DNAJB6: variants seen among roughly 807,000 people sequenced by gnomAD.
DNAJB6 encodes DnaJ heat shock protein family (Hsp40) member B6, also known as dnaJ homolog subfamily B member 6.
In DNAJB6, 16 loss-of-function variants were observed where a neutral mutation model predicts 42.7. The observed-to-expected ratio is 0.37, with a 90% confidence interval of 0.25 to 0.57. DNAJB6 has a LOEUF of 0.57. Among genes scored for constraint, DNAJB6 ranks in the 20% least tolerant of loss-of-function variants. DNAJB6 has a pLI of 0.74. For missense variants in DNAJB6, 347 were observed against 416.8 expected (o/e 0.83, Z 1.46); for synonymous variants, 170 against 163.5 (o/e 1.04, Z -0.30).
At chr7:157,413,369 C>T (rs184122111) in intron 9 of DNAJB6, 117 of 152,330 alleles carry the variant, frequency 7.7e-4, no homozygotes, top group African/African-American at 2.7e-3. Flanking sequence ...AGAATGTCTC[C>T]CTTTTTGTGA....
chr7:157,399,723 C>G (rs1311701846), intron 8 of DNAJB6, among the ~76,000 whole-genome samples: 1 of 152,130 alleles, frequency 6.6e-6, no homozygotes, highest in Non-Finnish European at 1.5e-5. Flanking sequence ...AGCTGGAGAG[C>G]AATGGCACAG....
Position 157,366,501 on chromosome 7 carries a change from G to A in DNAJB6, c.176-1G>A. 6.2e-7 allele frequency: 1 copy of A among 1,613,874 alleles called. No individual in the cohort carries two copies. The highest frequency in any genetic ancestry group is 8.5e-7 in the Non-Finnish European group (1 of 1,179,912). On this transcript the variant is annotated splice_acceptor_variant, in intron 3 of 9. Transcript: ENST00000262177. LOFTEE classifies it high-confidence loss of function. ...TTACCGACTTTTCTTTCAATTTTTA[G>A]CTAAGAAACGGGACATCTATGACAA...
At chr7:157,371,454 A>G in intron 5 of DNAJB6, among the ~76,000 whole-genome samples, 1 of 152,384 alleles carries the variant, frequency 6.6e-6, no homozygotes, top group East Asian at 1.9e-4. Context: ...AGCACCAGGC[A>G]GTGCTCACTG....
intron 5 of DNAJB6, among the ~76,000 whole-genome samples, chr7:157,373,147 C>T (rs550486860): frequency 5.0e-4 from 76 of 152,230 alleles, no homozygotes; most frequent in African/African-American, 1.7e-3. Flanking sequence ...ACTTGATAAT[C>T]TATAAAGAGC....
intron 6 of DNAJB6, among the ~76,000 whole-genome samples, chr7:157,383,389 C>T (rs990503576): frequency 2.0e-5 from 3 of 152,118 alleles, no homozygotes; most frequent in African/African-American, 7.2e-5. Context: ...AGGGTTCCTT[C>T]TTCATCATGG....
intron 8 of DNAJB6, among the ~76,000 whole-genome samples, chr7:157,392,187 C>T (rs894961519): frequency 6.6e-6 from 1 of 151,776 alleles, no homozygotes; most frequent in Non-Finnish European, 1.5e-5. Flanking sequence ...TGTGTCCTCA[C>T]GCTTGCTAGT....
chr7:157,389,357 CAGT>C (rs1801230298), intron 8 of DNAJB6, among the ~76,000 whole-genome samples: 1 of 152,194 alleles, frequency 6.6e-6, no homozygotes, highest in African/African-American at 2.4e-5. Context: ...TGATTGGCAG[CAGT>C]GTTGAAATTT....
chr7:157,346,317 A>T (rs934289207), intron 1 of DNAJB6, among the ~76,000 whole-genome samples: 11 of 11,224 alleles, frequency 9.8e-4, no homozygotes, highest in African/African-American at 6.2e-3. Flanking sequence ...AAGGAGTAGT[A>T]AAAAAAAAAA....
At chr7:157,387,183 A>T (rs1037992074) in intron 8 of DNAJB6, among the ~76,000 whole-genome samples, 2 of 152,170 alleles carry the variant, frequency 1.3e-5, no homozygotes, top group African/African-American at 4.8e-5. Flanking sequence ...AAAATAAGTA[A>T]AAAATATTTT....
intron 1 of DNAJB6, among the ~76,000 whole-genome samples, chr7:157,347,554 C>A (rs932164697): frequency 2.0e-5 from 3 of 152,148 alleles, no homozygotes; most frequent in Admixed American, 1.3e-4. Context: ...TACTTAATTC[C>A]TTTGAGCCCC....
chr7:157,349,309 C>T (rs766101115), intron 1 of DNAJB6, among the ~76,000 whole-genome samples: 8 of 152,148 alleles, frequency 5.3e-5, no homozygotes, highest in South Asian at 2.1e-4. Context: ...TGACAATATT[C>T]TTTTAACATT....
intron 8 of DNAJB6, among the ~76,000 whole-genome samples, chr7:157,389,222 C>T (rs371313514): frequency 6.6e-6 from 1 of 152,190 alleles, no homozygotes; most frequent in African/African-American, 2.4e-5. Context: ...GTCTTGATTA[C>T]CTTCTAGATA....
chr7:157,344,190 A>T (rs1337112470), intron 1 of DNAJB6, among the ~76,000 whole-genome samples: 1 of 152,114 alleles, frequency 6.6e-6, no homozygotes, highest in Non-Finnish European at 1.5e-5. Context: ...ACAATACAAA[A>T]ATCAGCTGGG....
At chr7:157,365,130 T>C (rs1408146712) in intron 3 of DNAJB6, among the ~76,000 whole-genome samples, 2 of 152,230 alleles carry the variant, frequency 1.3e-5, no homozygotes, top group Admixed American at 6.5e-5. Context: ...TTTTTTGTAT[T>C]GTGTTTAAAG....
At chr7:157,347,851 A>G (rs528254968) in intron 1 of DNAJB6, among the ~76,000 whole-genome samples, 1 of 152,172 alleles carries the variant, frequency 6.6e-6, no homozygotes, top group Non-Finnish European at 1.5e-5. Context: ...GCTGGAGTGC[A>G]GTGGTGTGAT....
At chr7:157,349,596 C>A (rs1798866563) in intron 1 of DNAJB6, among the ~76,000 whole-genome samples, 1 of 152,130 alleles carries the variant, frequency 6.6e-6, no homozygotes, top group African/African-American at 2.4e-5. Context: ...CATCCTCCCA[C>A]CTCAGCCTCC....
intron 8 of DNAJB6, among the ~76,000 whole-genome samples, chr7:157,407,309 C>T (rs954149701): frequency 6.6e-6 from 1 of 152,226 alleles, no homozygotes; most frequent in African/African-American, 2.4e-5. Context: ...AGGGGCGGCT[C>T]TTCTGGCGGC....
At chr7:157,377,398 C>T (rs1436489459) in intron 5 of DNAJB6, among the ~76,000 whole-genome samples, 1 of 152,160 alleles carries the variant, frequency 6.6e-6, no homozygotes, top group Non-Finnish European at 1.5e-5. Context: ...CCTCAGGATA[C>T]AAAGTTAAGG....
chr7:157,409,870 G>C lies in DNAJB6; in HGVS notation c.767G>C (p.Gly256Ala). 2 of 1,533,162 alleles carry C rather than the reference G, an allele frequency of 1.3e-6. No individual in the cohort carries two copies. Among genetic ancestry groups the C allele is most frequent in the Non-Finnish European group, 1.7e-6 (2 of 1,145,620 alleles). The allele number at this position is 1,533,162 out of a possible 1,614,324, so 95.0% of individuals were successfully genotyped here. A position where few individuals can be genotyped will look rare whatever the true frequency, so the allele number is the denominator to read the frequency against. ...AACGCCCTGCCAGCCCAGCCTGCCG[G>C]CCTCCGCCCGCCGAAGCCGCCCCGG... The part of the protein sequence containing the change: ...GQNALPAQPA[G>A]LRPPKPPRPA... Residue 256 changes from glycine to alanine, a missense_variant, in exon 9 of 10, where the codon GGC (glycine) becomes GCC (alanine). Physicochemically the swap from Gly to Ala is moderately conservative, Grantham distance 60. Transcript: ENST00000262177.
Sources: allele counts gnomAD v4.1 joint callset (sites outside exome capture counted in the v4.1 genomes callset), GRCh38; gene constraint gnomAD v4.1.1; transcripts MANE v1.5; gene names NCBI Gene and HGNC (gene_info 2026-07-23, HGNC 2026-07-21).